Variants in RTTN observed in about 807,000 individuals in gnomAD.
RTTN encodes rotatin.
Under a neutral mutation model 269.2 loss-of-function variants are expected in RTTN, and 182 were observed. The ratio of observed to expected loss-of-function variants is 0.68; its 90% CI spans 0.60 to 0.76. The LOEUF (loss-of-function observed/expected upper bound fraction) is 0.76, where lower values mean the gene tolerates loss of function less well. Ranked by LOEUF, RTTN falls within the 30% of genes least tolerant of loss-of-function variation. The pLI is 0.00. For synonymous variants in RTTN, 1,006 were observed against 963.5 expected (o/e 1.04, Z -0.82); for missense variants, 2,545 against 2,608.6 (o/e 0.98, Z 0.53).
intron 46 of RTTN, chr18:70,008,445 TAAC>T (rs1164464051): frequency 1.3e-5 from 2 of 151,768 alleles, no homozygotes; most frequent in Admixed American, 1.3e-4. Flanking sequence ...AGGTGGGTAA[TAAC>T]AAACTCCTCC....
chr18:70,075,749 G>A (rs1007945270), intron 32 of RTTN, among the ~76,000 whole-genome samples: 7 of 151,878 alleles, frequency 4.6e-5, no homozygotes, highest in Admixed American at 3.9e-4. Flanking sequence ...AAACACCCCC[G>A]TGAAGGGACA....
At chr18:70,085,709 G>T (rs79105274) in intron 32 of RTTN, among the ~76,000 whole-genome samples, 1,944 of 152,194 alleles carry the variant, frequency 0.013, 36 homozygotes, top group African/African-American at 0.043. Context: ...TTATCTAAGT[G>T]AACTAACTCA....
At chr18:70,042,664 C>T (rs1047519206) in intron 40 of RTTN, among the ~76,000 whole-genome samples, 10 of 152,102 alleles carry the variant, frequency 6.6e-5, no homozygotes, top group Non-Finnish European at 1.2e-4. Flanking sequence ...GCATGAGCAC[C>T]GCGCCCAGCC....
At chr18:70,204,065 T>C (rs763986758) in intron 3 of RTTN, 21 bp downstream of exon 3, 1 of 1,531,678 alleles carries the variant, frequency 6.5e-7, no homozygotes, top group Non-Finnish European at 8.9e-7. Flanking sequence ...TATTTGTATT[T>C]AACAGATTCC....
intron 40 of RTTN, 61 bp from the exon 41 acceptor site, chr18:70,031,042 T>G: frequency 8.8e-7 from 1 of 1,131,610 alleles, no homozygotes; most frequent in Non-Finnish European, 1.3e-6. Flanking sequence ...AAAACTGTTG[T>G]GAATAAAGAA....
At chr18:70,084,400 T>C (rs1270992477) in intron 32 of RTTN, among the ~76,000 whole-genome samples, 5 of 152,128 alleles carry the variant, frequency 3.3e-5, no homozygotes, top group African/African-American at 1.2e-4. Context: ...CAAAGACTGT[T>C]TGAATTTTAA....
rs1412060699 is a variant in RTTN at position 70,150,698 on chromosome 18, C to A, written c.1965G>T (p.Val655=). Residue 655 remains valine (V), a synonymous_variant, in exon 15 of 49, where the codon GTG becomes GTT. Transcript: ENST00000640769. ...AATGAATTCCATTGCAAAGTGAAGACACGGGTTTAGTGACATTATGGACAC... is the reference window on the plus strand; with the variant it reads ...AATGAATTCCATTGCAAAGTGAAGAAACGGGTTTAGTGACATTATGGACAC... The part of the protein sequence containing the change: ...CLGVHNVTKP[V]SSLCNGIHFL... 3 of 1,608,776 alleles carry A rather than the reference C, an allele frequency of 1.9e-6. No individual in the cohort carries two copies. Among genetic ancestry groups the A allele is most frequent in the Non-Finnish European group, 8.5e-7 (1 of 1,175,534 alleles).
At chr18:70,163,590 G>A (rs902439335) in intron 14 of RTTN, among the ~76,000 whole-genome samples, 16 of 152,128 alleles carry the variant, frequency 1.1e-4, no homozygotes, top group African/African-American at 3.9e-4. Flanking sequence ...CAACCCAAAT[G>A]CCTATCAACG....
At chr18:70,134,280 T>C (rs2060068138) in intron 23 of RTTN, among the ~76,000 whole-genome samples, 193 bp downstream of exon 23, 1 of 152,100 alleles carries the variant, frequency 6.6e-6, no homozygotes, top group Admixed American at 6.6e-5. Flanking sequence ...ATTTGAACGG[T>C]ATCAAAATAA....
chr18:70,142,386 A>T lies in RTTN; in HGVS notation c.2483T>A (p.Leu828Ter). The T allele has an allele frequency of 6.5e-7, 1 of 1,535,370 alleles. No homozygotes were observed. Among genetic ancestry groups the T allele is most frequent in the Non-Finnish European group, 8.9e-7 (1 of 1,129,664 alleles). ...LDDRRELVIK[L>*]ETVEKVYEIF... ...TTCATATACCTTTTCAACAGTCTCCAACTACAAACCAAAAAAAAAAAAAAA... is the reference window on the plus strand; with the variant it reads ...TTCATATACCTTTTCAACAGTCTCCTACTACAAACCAAAAAAAAAAAAAAA... The change falls in exon 19 of 49, where the codon TTG (leucine) becomes TAG (stop). Residue 828 changes from leucine to a stop codon, truncating the protein, a stop_gained and splice_region_variant. Transcript: ENST00000640769. LOFTEE classifies it high-confidence loss of function.
intron 40 of RTTN, among the ~76,000 whole-genome samples, chr18:70,046,616 C>T (rs1281764856): frequency 1.3e-5 from 2 of 152,120 alleles, no homozygotes; most frequent in African/African-American, 4.8e-5. Flanking sequence ...AAAACTGGGA[C>T]AACGTCCAGT....
chr18:70,041,185 G>T (rs891568200), intron 40 of RTTN, among the ~76,000 whole-genome samples: 1 of 151,748 alleles, frequency 6.6e-6, no homozygotes, highest in Admixed American at 6.6e-5. Context: ...ACTCCAGCCT[G>T]GGTGACAGAG....
rs767930576 is a variant in RTTN at position 70,065,797 on chromosome 18, T to C, written c.4747+32A>G. On this transcript the variant is annotated intron_variant, in intron 35 of 48. Transcript: ENST00000640769. The stretch of plus-strand genomic sequence containing the variant: ...CTGGACCAACTTGTCATTTTTCTTT[T>C]TGAAGGTAGAATGTCTTCACTAAAA... 6.3e-6 allele frequency: 9 copies of C among 1,428,336 alleles called. No homozygotes were observed. The Middle Eastern group carries it at 5.5e-4, about 87-fold the overall frequency. The allele number at this position is 1,428,336 out of a possible 1,614,324, so 88.5% of individuals were successfully genotyped here.
At chr18:70,031,784 C>CCTAGGAGGGACTGGCCCTCCT in intron 40 of RTTN, among the ~76,000 whole-genome samples, 1 of 151,520 alleles carries the variant, frequency 6.6e-6, no homozygotes, top group South Asian at 2.1e-4. Context: ...AGCAGATCTT[C>CCTAGGAGGGACTGGCCCTCCT]AGAGGGAGGG....
intron 33 of RTTN, among the ~76,000 whole-genome samples, chr18:70,074,556 G>A (rs1208710293): frequency 2.6e-5 from 4 of 151,936 alleles, no homozygotes; most frequent in South Asian, 2.1e-4. Context: ...ATACATATCC[G>A]TTTATTTATA....
rs202066623 is a variant in RTTN at position 70,059,912 on chromosome 18, C to T, written c.4878G>A (p.Thr1626=). ...AMCSLLDNLL[T]IAPRDTAKAF... The stretch of plus-strand genomic sequence containing the variant: ...CCTTTGCAGTGTCTCTGGGAGCAAT[C>T]GTCAAGAGGTTGTCCAAGAGGCTGC... Residue 1626 remains threonine (T), a synonymous_variant, in exon 36 of 49, where the codon ACG becomes ACA. Transcript: ENST00000640769. The T allele has an allele frequency of 2.8e-4, 446 of 1,613,242 alleles. No homozygotes were observed. The highest frequency in any genetic ancestry group is 3.3e-4 in the Non-Finnish European group (384 of 1,179,616).
chr18:70,003,894 T>C lies in RTTN; in HGVS notation c.*257A>G, dbSNP rs1022655398. Reference sequence around the variant, plus strand: ...GCATAGAAAAGGGTAAAAATGTTTATGTTCCCAGAACTTTCTATGCCTTTT... The same window carrying C: ...GCATAGAAAAGGGTAAAAATGTTTACGTTCCCAGAACTTTCTATGCCTTTT... On this transcript the variant is annotated 3_prime_UTR_variant, in exon 49 of 49. Coordinates refer to ENST00000640769, the MANE Select transcript of RTTN (RefSeq NM_173630.4). 3 of 307,904 alleles carry C rather than the reference T, an allele frequency of 9.7e-6. No individual in the cohort carries two copies. Among genetic ancestry groups the C allele is most frequent in the Non-Finnish European group, 1.8e-5 (3 of 169,830 alleles). 19.1% of individuals were successfully genotyped at this position (307,904 alleles called of 1,614,324 possible).
intron 19 of RTTN, among the ~76,000 whole-genome samples, chr18:70,140,979 C>T (rs1030288758): frequency 7.9e-5 from 12 of 151,714 alleles, no homozygotes; most frequent in Admixed American, 2.6e-4. Context: ...TTAGCTGCTA[C>T]TTAAAAAAAA....
At chr18:70,152,775 C>A (rs913603263) in intron 14 of RTTN, among the ~76,000 whole-genome samples, 1 of 152,160 alleles carries the variant, frequency 6.6e-6, no homozygotes, top group African/African-American at 2.4e-5. Flanking sequence ...TACACCACCA[C>A]ATCTCATCAG....
Sources: allele counts gnomAD v4.1 joint callset (sites outside exome capture counted in the v4.1 genomes callset), GRCh38; gene constraint gnomAD v4.1.1; transcripts MANE v1.5; gene names NCBI Gene and HGNC (gene_info 2026-07-23, HGNC 2026-07-21).